PCYOX1L: variants seen among roughly 807,000 people sequenced by gnomAD.
The protein encoded by PCYOX1L is prenylcysteine oxidase 1-like.
PCYOX1L carries 40 observed loss-of-function variants against 44.1 expected under a neutral mutation model. The ratio of observed to expected loss-of-function variants is 0.91; its 90% CI spans 0.70 to 1.18. The LOEUF is 1.18. Ranked by LOEUF, PCYOX1L falls within the 50% of genes most tolerant of loss-of-function variation. The probability of loss-of-function intolerance (pLI) is 0.00; values close to 1 mark genes in which losing one functional copy is unlikely to be tolerated. For synonymous variants in PCYOX1L, 266 were observed against 282.8 expected (o/e 0.94, Z 0.60); for missense variants, 605 against 653.3 (o/e 0.93, Z 0.81).
chr5:149,363,867 G>T, intron 2 of PCYOX1L, 169 bp from the exon 3 acceptor site: 1 of 654,280 alleles, frequency 1.5e-6, no homozygotes, highest in Non-Finnish European at 2.4e-6. Flanking sequence ...TTTTTTTATT[G>T]ACTTGGTAGT....
At chr5:149,359,984 CTT>C (rs927804429) in intron 1 of PCYOX1L, among the ~76,000 whole-genome samples, 3 of 152,196 alleles carry the variant, frequency 2.0e-5, no homozygotes, top group Admixed American at 2.0e-4. Flanking sequence ...ATGCTGGTCT[CTT>C]TGCAGAGTGT....
intron 1 of PCYOX1L, 150 bp from the exon 2 acceptor site, chr5:149,362,487 A>C: frequency 1.3e-6 from 1 of 748,624 alleles, no homozygotes; most frequent in Non-Finnish European, 2.2e-6. Context: ...CTGACAACTC[A>C]GTCCGCAGAT....
intron 4 of PCYOX1L, among the ~76,000 whole-genome samples, chr5:149,366,748 C>T (rs1002240203): frequency 2.6e-5 from 4 of 152,168 alleles, no homozygotes; most frequent in East Asian, 1.9e-4. Context: ...CTCGTACCCT[C>T]GATACTGTTC....
Position 149,368,269 on chromosome 5 carries a change from T to A in PCYOX1L, c.1100T>A (p.Phe367Tyr). 1 of 1,614,152 alleles carries A rather than the reference T, an allele frequency of 6.2e-7. No homozygotes were observed. Among genetic ancestry groups the A allele is most frequent in the Non-Finnish European group, 8.5e-7 (1 of 1,180,020 alleles). The change falls in exon 6 of 6, where the codon TTC (phenylalanine) becomes TAC (tyrosine). Residue 367 changes from phenylalanine to tyrosine, a missense_variant. Transcript: ENST00000274569. ...ANILTTDFPS[F>Y]FCTLDNICPV... ...ATCCTTACCACAGATTTCCCCAGCT[T>A]CTTCTGCACTCTGGACAACATCTGC...
At chr5:149,359,161 G>A (rs1343076447) in intron 1 of PCYOX1L, among the ~76,000 whole-genome samples, 1 of 152,118 alleles carries the variant, frequency 6.6e-6, no homozygotes, top group Non-Finnish European at 1.5e-5. Context: ...GAGATCCTGG[G>A]CTTCGGGGTG....
In PCYOX1L at chr5:149,364,238, C is replaced by G. The variant is rs369052958; in HGVS notation, c.470+28C>G. On this transcript the variant is annotated intron_variant, in intron 3 of 5. Transcript: ENST00000274569. ...AGGGCTGGCAGAGCTGTGGGGATGG[C>G]GTTCCAGGGGAACCGAGAAGAGGTG... 140 of 1,611,206 alleles carry G rather than the reference C, an allele frequency of 8.7e-5. No homozygotes were observed. In the Middle Eastern group the frequency reaches 9.9e-4, roughly 11 times the overall value.
chr5:149,367,342 A>C lies in PCYOX1L; in HGVS notation c.683-18A>C. The C allele has an allele frequency of 1.2e-6, 2 of 1,601,694 alleles. No homozygotes were observed. The highest frequency in any genetic ancestry group is 8.5e-7 in the Non-Finnish European group (1 of 1,174,780). On this transcript the variant is annotated intron_variant, in intron 4 of 5. Transcript: ENST00000274569. ...CGGCCCTGACAACCTATCAGCACCC[A>C]CTTCCCGCTTTGCCCAGGAGCCATG...
intron 5 of PCYOX1L, among the ~76,000 whole-genome samples, chr5:149,367,761 G>A (rs1349245634): frequency 6.6e-6 from 1 of 152,130 alleles, no homozygotes; most frequent in African/African-American, 2.4e-5. Flanking sequence ...CCTTGCCCAC[G>A]CTCCCCCAAC....
intron 5 of PCYOX1L, 62 bp downstream of exon 5, chr5:149,367,562 G>T: frequency 6.3e-7 from 1 of 1,593,134 alleles, no homozygotes; most frequent in Non-Finnish European, 8.5e-7. Context: ...AGACACTTCT[G>T]CCTCCTTTGT....
chr5:149,366,137 G>A lies in PCYOX1L; in HGVS notation c.666G>A (p.Ala222=), dbSNP rs917707841. The A allele has an allele frequency of 1.7e-5, 27 of 1,612,328 alleles. No individual in the cohort carries two copies. The highest frequency in any genetic ancestry group is 3.3e-5 in the Admixed American group (2 of 60,010). ...GGGCCAGCTATGGCCAGTCAGCAGC[G>A]ATGCCCGCCTTTGCAGGTAAGCGTC... ...VLRASYGQSA[A]MPAFAGAMSL... Residue 222 remains alanine, a synonymous_variant, in exon 4 of 6, where the codon GCG becomes GCA. Transcript: ENST00000274569.
rs554467475 is a variant in PCYOX1L at position 149,368,623 on chromosome 5, A to G, written c.1454A>G (p.Asp485Gly). Residue 485 changes from aspartate (D) to glycine (G), a missense_variant, in exon 6 of 6, where the codon GAT becomes GGT. Asp to Gly is a moderately conservative substitution (Grantham distance 94, BLOSUM62 -1). Transcript: ENST00000274569. Reference sequence around the variant, plus strand: ...GACCTAGACAAGATTGATCAAAAAGATTTGATGCACAAGGTCAAGACTGAA... The same window carrying G: ...GACCTAGACAAGATTGATCAAAAAGGTTTGATGCACAAGGTCAAGACTGAA... ...YQDLDKIDQK[D>G]LMHKVKTEL 6.6e-6 allele frequency: 10 copies of G among 1,526,382 alleles called. No homozygotes were observed. The East Asian group carries it at 9.0e-5, about 14-fold the overall frequency. The allele number at this position is 1,526,382 out of a possible 1,614,324, so 94.6% of individuals were successfully genotyped here. A position where few individuals can be genotyped will look rare whatever the true frequency, so the allele number is the denominator to read the frequency against.
At chr5:149,361,630 C>T (rs187591279) in intron 1 of PCYOX1L, among the ~76,000 whole-genome samples, 1 of 152,278 alleles carries the variant, frequency 6.6e-6, no homozygotes, top group Non-Finnish European at 1.5e-5. Flanking sequence ...AGAGTACATT[C>T]CAGTCTCTTT....
At position 149,368,801 on chromosome 5, in the gene PCYOX1L, C is replaced by G. The variant is rs1199437795; in HGVS notation, c.*147C>G. The G allele has an allele frequency of 2.9e-5, 22 of 749,708 alleles. No individual in the cohort carries two copies. The allele number at this position is 749,708 out of a possible 1,614,324, so 46.4% of individuals were successfully genotyped here. On this transcript the variant is annotated 3_prime_UTR_variant, in exon 6 of 6. Transcript: ENST00000274569. Reference sequence around the variant, plus strand: ...GCATCTCCAGGTGACCTACTGTCTGCCTATATTAAGGGTCCACACGGCGGC... The same window carrying G: ...GCATCTCCAGGTGACCTACTGTCTGGCTATATTAAGGGTCCACACGGCGGC...
intron 3 of PCYOX1L, chr5:149,365,554 TC>T: frequency 3.8e-6 from 1 of 260,804 alleles, no homozygotes; most frequent in African/African-American, 2.2e-5. Context: ...TGTCATCAGG[TC>T]CTAGAAGCTG....
intron 3 of PCYOX1L, 91 bp downstream of exon 3, chr5:149,364,301 A>T: frequency 6.7e-7 from 1 of 1,484,670 alleles, no homozygotes. Context: ...GTGAAAAAGG[A>T]AAAGGTCCTT....
rs1294477182 is a variant in PCYOX1L, at chr5:149,369,175, T to C, written c.*521T>C. 1 of 152,238 alleles carries C rather than the reference T, an allele frequency of 6.6e-6. No individual in the cohort carries two copies. 9.4% of individuals were successfully genotyped at this position (152,238 alleles called of 1,614,324 possible). On this transcript the variant is annotated 3_prime_UTR_variant, in exon 6 of 6. Coordinates refer to ENST00000274569, the MANE Select transcript of PCYOX1L (RefSeq NM_024028.4). ...TACTGTGGACTTGATGGATTTGAAGTACCTAGTTCAGAACTCCCTAGTCAC... is the reference window on the plus strand; with the variant it reads ...TACTGTGGACTTGATGGATTTGAAGCACCTAGTTCAGAACTCCCTAGTCAC...
intron 2 of PCYOX1L, chr5:149,363,321 G>C: frequency 3.0e-6 from 1 of 335,148 alleles, no homozygotes. Context: ...CGTTCTGTTT[G>C]ATGCAGAAAC....
At chr5:149,367,946 G>T in intron 5 of PCYOX1L, 47 bp from the exon 6 acceptor site, 1 of 1,515,386 alleles carries the variant, frequency 6.6e-7, no homozygotes. Context: ...GGAGTTCAGT[G>T]GGTAGAAGCC....
Position 149,368,293 on chromosome 5 carries a change from G to A in PCYOX1L, c.1124G>A (p.Cys375Tyr). The part of the protein sequence containing the change: ...PSFFCTLDNI[C>Y]PVNISASFRR... Reference sequence around the variant, plus strand: ...TTCTTCTGCACTCTGGACAACATCTGCCCTGTCAACATCTCTGCCAGCTTC... The same window carrying A: ...TTCTTCTGCACTCTGGACAACATCTACCCTGTCAACATCTCTGCCAGCTTC... The change falls in exon 6 of 6, where the codon TGC becomes TAC. Residue 375 changes from cysteine (C) to tyrosine (Y), a missense_variant. Coordinates refer to ENST00000274569, the MANE Select transcript of PCYOX1L (RefSeq NM_024028.4). The A allele has an allele frequency of 6.2e-7, 1 of 1,614,112 alleles. No individual in the cohort carries two copies. Among genetic ancestry groups the A allele is most frequent in the African/African-American group, 1.3e-5 (1 of 75,022 alleles).
Sources: allele counts gnomAD v4.1 joint callset (sites outside exome capture counted in the v4.1 genomes callset), GRCh38; gene constraint gnomAD v4.1.1; transcripts MANE v1.5; gene names NCBI Gene and HGNC (gene_info 2026-07-23, HGNC 2026-07-21).